Variants in SGK3 observed in about 807,000 individuals in gnomAD.
The protein encoded by SGK3 is serine/threonine-protein kinase Sgk3.
In SGK3, 47 loss-of-function variants were observed where a neutral mutation model predicts 68.5. That is an observed-to-expected ratio of 0.69 (90% CI 0.54 to 0.87). The LOEUF is 0.87. Among genes scored for constraint, SGK3 ranks in the 40% least tolerant of loss-of-function variants. The pLI is 0.00. For synonymous variants in SGK3, 181 were observed against 189.1 expected (o/e 0.96, Z 0.35); for missense variants, 479 against 575.5 (o/e 0.83, Z 1.72).
At chr8:66,782,386 A>G (rs1421798958) in intron 1 of SGK3, among the ~76,000 whole-genome samples, 1 of 151,130 alleles carries the variant, frequency 6.6e-6, no homozygotes. Context: ...AGTTCCCCAT[A>G]TATCTGTGCT....
chr8:66,814,113 T>A (rs2130644531), intron 5 of SGK3, among the ~76,000 whole-genome samples, 185 bp downstream of exon 5: 1 of 152,374 alleles, frequency 6.6e-6, no homozygotes, highest in South Asian at 2.1e-4. Context: ...AGTTATTTTC[T>A]TTTTTCCTTT....
chr8:66,769,514 G>A (rs933744798), intron 1 of SGK3, among the ~76,000 whole-genome samples: 6 of 152,168 alleles, frequency 3.9e-5, no homozygotes, highest in African/African-American at 4.8e-5. Context: ...GCGGGTCACC[G>A]CACCCGGCCT....
At chr8:66,727,914 A>G (rs571186039) in intron 1 of SGK3, among the ~76,000 whole-genome samples, 67 of 152,374 alleles carry the variant, frequency 4.4e-4, no homozygotes, top group Non-Finnish European at 1.9e-4. Flanking sequence ...AAAAGTCACA[A>G]ATAGTAAATG....
chr8:66,789,437 A>C (rs985517489), intron 1 of SGK3, among the ~76,000 whole-genome samples: 1 of 152,166 alleles, frequency 6.6e-6, no homozygotes, highest in African/African-American at 2.4e-5. Context: ...CTTTTATGAC[A>C]TGGGACAGGG....
intron 1 of SGK3, among the ~76,000 whole-genome samples, 193 bp from the exon 2 acceptor site, chr8:66,793,423 G>A (rs184752631): frequency 1.1e-3 from 170 of 152,234 alleles, no homozygotes; most frequent in South Asian, 4.8e-3. Flanking sequence ...AGTAAGAAAG[G>A]TAGATGGGCT....
chr8:66,839,554 TA>T (rs1809707635), intron 10 of SGK3, among the ~76,000 whole-genome samples: 1 of 94,282 alleles, frequency 1.1e-5, no homozygotes, highest in Non-Finnish European at 2.0e-5. Context: ...TATATATATA[TA>T]TATTTTCATA....
intron 1 of SGK3, among the ~76,000 whole-genome samples, chr8:66,756,138 G>A (rs901841512): frequency 2.0e-5 from 3 of 152,042 alleles, no homozygotes; most frequent in African/African-American, 7.2e-5. Flanking sequence ...ACTTAGCTAC[G>A]TACACAAGGA....
Position 66,860,299 on chromosome 8 carries a change from A to T in SGK3, c.*718A>T, listed in dbSNP as rs1462829033. On this transcript the variant is annotated 3_prime_UTR_variant, in exon 17 of 17. Transcript: ENST00000521198. The stretch of plus-strand genomic sequence containing the variant: ...GACAAACCCCGTCTCTACTAAAAAT[A>T]CAAAATTGGCAGGGTGTGGTGGCAC... 6.6e-6 allele frequency: 1 copy of T among 152,274 alleles called. No individual in the cohort carries two copies. The highest frequency in any genetic ancestry group is 1.5e-5 in the Non-Finnish European group (1 of 68,110). 9.4% of individuals were successfully genotyped at this position (152,274 alleles called of 1,614,324 possible).
rs533694624 is a variant in SGK3, at chr8:66,861,161, G to A, written c.*1580G>A. 2.2e-4 allele frequency: 34 copies of A among 152,266 alleles called. 1 individual carries two copies. The highest frequency in any genetic ancestry group is 6.3e-4 in the African/African-American group (26 of 41,570). 9.4% of individuals were successfully genotyped at this position (152,266 alleles called of 1,614,324 possible). The stretch of plus-strand genomic sequence containing the variant: ...AAGTAAAAACAAATTGTGGGTCAAA[G>A]TAAATGTATACAGTTTTATTACAAT... On this transcript the variant is annotated 3_prime_UTR_variant, in exon 17 of 17. Transcript: ENST00000521198.
rs1319817139 is a variant in SGK3, at chr8:66,840,217, G to A, written c.861G>A (p.Leu287=). 6.3e-7 allele frequency: 1 copy of A among 1,590,422 alleles called. No homozygotes were observed. The highest frequency in any genetic ancestry group is 1.4e-5 in the African/African-American group (1 of 73,778). ...TTTCCTTTTAATTTGATAGAGACTT[G>A]AAACCAGAAAATATTCTTTTGGATT... ...LHSIKIVYRD[L]KPENILLDSV... Residue 287 remains leucine, a synonymous_variant, in exon 12 of 17, where the codon TTG becomes TTA. Transcript: ENST00000521198.
Position 66,846,672 on chromosome 8 carries a change from A to G in SGK3, c.1075-521A>G, listed in dbSNP as rs1349043514. ...ATTAACTAGCTAATGCTTGTGTTGA[A>G]GCTATACCCCAAGTCTTTTGGCTGT... On this transcript the variant is annotated intron_variant, in intron 14 of 16. Transcript: ENST00000521198. 5.3e-5 allele frequency among the ~76,000 whole-genome samples: 8 copies of G among 152,182 alleles called. No homozygotes were observed. The East Asian group carries it at 1.3e-3, about 26-fold the overall frequency.
Position 66,843,444 on chromosome 8 carries a change from T to G in SGK3, c.979-8T>G. 1.2e-6 allele frequency: 2 copies of G among 1,609,074 alleles called. No homozygotes were observed. The highest frequency in any genetic ancestry group is 1.7e-6 in the Non-Finnish European group (2 of 1,178,442). Reference sequence around the variant, plus strand: ...TGACTTGCTCTAATATTTTATTGTTTTCTATAGTATCTTGCACCTGAAGTA... The same window carrying G: ...TGACTTGCTCTAATATTTTATTGTTGTCTATAGTATCTTGCACCTGAAGTA... On this transcript the variant is annotated splice_polypyrimidine_tract_variant and splice_region_variant and intron_variant, in intron 13 of 16. Coordinates refer to ENST00000521198, the MANE Select transcript of SGK3 (RefSeq NM_001033578.3).
intron 1 of SGK3, among the ~76,000 whole-genome samples, chr8:66,770,120 A>T (rs1806460515): frequency 6.6e-6 from 1 of 151,088 alleles, no homozygotes; most frequent in Admixed American, 6.6e-5. Flanking sequence ...CACCCGGCTA[A>T]TTTTTTTGTA....
chr8:66,808,578 A>G (rs1020738395), intron 4 of SGK3, among the ~76,000 whole-genome samples: 4 of 149,136 alleles, frequency 2.7e-5, no homozygotes, highest in Non-Finnish European at 4.4e-5. Context: ...CAGTGGCATG[A>G]TCTTGGCTCA....
At chr8:66,844,604 T>G (rs1217219962) in intron 14 of SGK3, among the ~76,000 whole-genome samples, 1 of 152,212 alleles carries the variant, frequency 6.6e-6, no homozygotes, top group East Asian at 1.9e-4. Context: ...GTTCCTAGAC[T>G]CCCTTTGTGG....
At chr8:66,748,724 T>C (rs1805720121) in intron 1 of SGK3, among the ~76,000 whole-genome samples, 1 of 152,134 alleles carries the variant, frequency 6.6e-6, no homozygotes, top group Admixed American at 6.6e-5. Flanking sequence ...AGTAGGCTCA[T>C]CAATTTTAAT....
At chr8:66,805,413 G>A (rs1207793917) in intron 4 of SGK3, among the ~76,000 whole-genome samples, 18 of 151,894 alleles carry the variant, frequency 1.2e-4, no homozygotes, top group African/African-American at 4.1e-4. Context: ...CAGCTACTCG[G>A]GAGGCTGAGG....
intron 1 of SGK3, among the ~76,000 whole-genome samples, chr8:66,785,631 T>C (rs551504275): frequency 3.7e-4 from 57 of 152,174 alleles, no homozygotes; most frequent in Non-Finnish European, 7.8e-4. Flanking sequence ...CTAGGCAAAA[T>C]TGGCCCCCGA....
intron 1 of SGK3, among the ~76,000 whole-genome samples, chr8:66,760,401 C>G (rs1806127941): frequency 7.5e-6 from 1 of 133,346 alleles, no homozygotes; most frequent in Non-Finnish European, 1.5e-5. Context: ...GTGGCACTAT[C>G]TTGGCTCACT....
Sources: allele counts gnomAD v4.1 joint callset (sites outside exome capture counted in the v4.1 genomes callset), GRCh38; gene constraint gnomAD v4.1.1; transcripts MANE v1.5; gene names NCBI Gene and HGNC (gene_info 2026-07-23, HGNC 2026-07-21).